The following GNAO1 variants were observed in gnomAD, a reference collection of about 807,000 sequenced individuals.
The protein encoded by GNAO1 is guanine nucleotide-binding protein G(o) subunit alpha.
For missense variants in GNAO1, 166 were observed against 478.7 expected (o/e 0.35, Z 6.10); for synonymous variants, 164 against 180.7 (o/e 0.91, Z 0.74).
In GNAO1 at chr16:56,343,038, C is replaced by T. The variant is rs376648576; in HGVS notation, c.723+6178C>T. 4.6e-5 allele frequency among the ~76,000 whole-genome samples: 7 copies of T among 151,352 alleles called. No homozygotes were observed. In the South Asian group the frequency reaches 1.2e-3, roughly 27 times the overall value. ...ACTTGAACCTGGGAGTCGGAGGTTG[C>T]GGTGAGCTGAGATCACACCACTGCA... On this transcript the variant is annotated intron_variant, in intron 6 of 8. Coordinates refer to ENST00000262493, the MANE Select transcript of GNAO1 (RefSeq NM_020988.3).
chr16:56,319,390 C>T (rs572037594), intron 3 of GNAO1, among the ~76,000 whole-genome samples: 1 of 152,262 alleles, frequency 6.6e-6, no homozygotes, highest in African/African-American at 2.4e-5. Flanking sequence ...ACAGGAGAAG[C>T]TGGTGCAGGG....
At chr16:56,231,915 C>G (rs2036591775) in intron 2 of GNAO1, among the ~76,000 whole-genome samples, 1 of 152,132 alleles carries the variant, frequency 6.6e-6, no homozygotes, top group Non-Finnish European at 1.5e-5. Context: ...GTGACGATGT[C>G]GTCCCTGTGG....
At chr16:56,239,872 T>C (rs934871487) in intron 2 of GNAO1, among the ~76,000 whole-genome samples, 1 of 152,182 alleles carries the variant, frequency 6.6e-6, no homozygotes, top group African/African-American at 2.4e-5. Flanking sequence ...TTAGGCCTGG[T>C]TGCTGGGCAG....
chr16:56,319,591 C>T (rs2037551757), intron 3 of GNAO1, among the ~76,000 whole-genome samples: 1 of 152,118 alleles, frequency 6.6e-6, no homozygotes, highest in South Asian at 2.1e-4. Flanking sequence ...TGATTGTCAC[C>T]AGGGTGCTGC....
rs2037949449 is a variant in GNAO1 at position 56,354,320 on chromosome 16, A to G, written c.878-546A>G. ...ATCTTGCAAAGTCCAAAGCCAGGCAAATGCTCAGCCTGTGTATGGTTGGTG... is the reference window on the plus strand; with the variant it reads ...ATCTTGCAAAGTCCAAAGCCAGGCAGATGCTCAGCCTGTGTATGGTTGGTG... On this transcript the variant is annotated intron_variant, in intron 7 of 8. Coordinates refer to ENST00000262493, the MANE Select transcript of GNAO1 (RefSeq NM_020988.3). This position sits in a 1 kb window ranked among gnomAD's most constrained non-coding sequence, Gnocchi z 4.3. Among the ~76,000 whole-genome samples, 1 of 151,994 alleles carries G rather than the reference A, an allele frequency of 6.6e-6. No homozygotes were observed. Among genetic ancestry groups the G allele is most frequent in the Admixed American group, 6.5e-5 (1 of 15,280 alleles).
intron 3 of GNAO1, among the ~76,000 whole-genome samples, chr16:56,294,925 T>C (rs1478417498): frequency 6.6e-6 from 1 of 152,104 alleles, no homozygotes; most frequent in African/African-American, 2.4e-5. Flanking sequence ...GTAAAGTAAC[T>C]GTTCAGGTCT....
intron 4 of GNAO1, among the ~76,000 whole-genome samples, chr16:56,333,659 T>A (rs2037713540): frequency 6.6e-6 from 1 of 152,270 alleles, no homozygotes; most frequent in Admixed American, 6.5e-5. Flanking sequence ...TCATCTGCCC[T>A]TTCCAGCCCT....
At position 56,347,705 on chromosome 16, in the gene GNAO1, A is replaced by T. The variant is rs553870949; in HGVS notation, c.724-3679A>T. 573 of 985,698 alleles carry T rather than the reference A, an allele frequency of 5.8e-4. 1 individual carries two copies. In the African/African-American group the frequency reaches 9.4e-3, roughly 16 times the overall value. The allele number at this position is 985,698 out of a possible 1,614,324, so 61.1% of individuals were successfully genotyped here. ...AGAGACCCACCGCCCTTCCTGGCAG[A>T]GCACCACTTCCTGGCAGTGCAGCTC... On this transcript the variant is annotated intron_variant, in intron 6 of 8. Transcript: ENST00000262493.
intron 2 of GNAO1, among the ~76,000 whole-genome samples, chr16:56,210,584 T>C (rs1466645382): frequency 6.6e-6 from 1 of 152,254 alleles, no homozygotes; most frequent in Non-Finnish European, 1.5e-5. Flanking sequence ...GCATTTGGTG[T>C]TGTCCGTTTT....
intron 2 of GNAO1, among the ~76,000 whole-genome samples, chr16:56,274,714 C>T (rs1356900935): frequency 1.3e-5 from 2 of 151,730 alleles, no homozygotes; most frequent in African/African-American, 2.4e-5. Flanking sequence ...CCAGAATAGC[C>T]GAATTTATAG....
chr16:56,238,841 A>G (rs1158002021), intron 2 of GNAO1, among the ~76,000 whole-genome samples: 1 of 152,264 alleles, frequency 6.6e-6, no homozygotes, highest in African/African-American at 2.4e-5. Context: ...GCGAATCATA[A>G]TTTGCGTTTG....
chr16:56,282,441 G>A (rs1350349941), intron 3 of GNAO1, among the ~76,000 whole-genome samples: 1 of 152,206 alleles, frequency 6.6e-6, no homozygotes, highest in Non-Finnish European at 1.5e-5. Context: ...AGTGAGGAAT[G>A]GGCAAGGTTT....
intron 2 of GNAO1, among the ~76,000 whole-genome samples, chr16:56,246,400 A>G (rs1175079736): frequency 2.6e-5 from 4 of 152,184 alleles, no homozygotes; most frequent in African/African-American, 7.2e-5. Context: ...CCAGGTCACA[A>G]TCTGGAACAT....
At chr16:56,297,326 C>T (rs754433621) in intron 3 of GNAO1, among the ~76,000 whole-genome samples, 2 of 152,120 alleles carry the variant, frequency 1.3e-5, no homozygotes, top group Non-Finnish European at 2.9e-5. Flanking sequence ...GAGCCGGCAC[C>T]ACCTTGACCC....
chr16:56,275,110 A>G (rs2037050502), intron 2 of GNAO1, among the ~76,000 whole-genome samples: 1 of 152,246 alleles, frequency 6.6e-6, no homozygotes, highest in South Asian at 2.1e-4. Flanking sequence ...AGAAGAGTTT[A>G]CATAGTTCAT....
intron 6 of GNAO1, chr16:56,340,792 T>C (rs762963415): frequency 6.3e-7 from 1 of 1,597,202 alleles, no homozygotes; most frequent in Non-Finnish European, 8.6e-7. Flanking sequence ...GTCAGGGCCC[T>C]GGATGCTGCC....
chr16:56,240,264 C>T (rs1390313043), intron 2 of GNAO1, among the ~76,000 whole-genome samples: 2 of 152,134 alleles, frequency 1.3e-5, no homozygotes, highest in Admixed American at 1.3e-4. Context: ...CTCATGCAGA[C>T]ACCATTCCCT....
At chr16:56,297,596 A>C (rs1253321191) in intron 3 of GNAO1, among the ~76,000 whole-genome samples, 1 of 143,880 alleles carries the variant, frequency 7.0e-6, no homozygotes, top group African/African-American at 2.6e-5. Context: ...AAAGGTGGGA[A>C]TTTTTTGTTA....
intron 6 of GNAO1, chr16:56,345,187 AC>A: frequency 1.0e-6 from 1 of 985,766 alleles, no homozygotes; most frequent in African/African-American, 1.7e-5. Context: ...GCCTTGGGCA[AC>A]CAACACACCT....
Sources: allele counts gnomAD v4.1 joint callset (sites outside exome capture counted in the v4.1 genomes callset), GRCh38; gene constraint gnomAD v4.1.1; non-coding constraint Gnocchi (gnomAD v3.1); transcripts MANE v1.5; gene names NCBI Gene and HGNC (gene_info 2026-07-23, HGNC 2026-07-21).